Variants in CTNND2 observed in about 807,000 individuals in gnomAD.
CTNND2 encodes catenin delta 2, also known as catenin delta-2.
A neutral mutation model predicts 144.4 loss-of-function variants in CTNND2; 22 were observed. The observed-to-expected ratio is 0.15, with a 90% confidence interval of 0.11 to 0.22. The LOEUF (loss-of-function observed/expected upper bound fraction) is 0.22, where lower values mean the gene tolerates loss of function less well. Ranked by LOEUF, CTNND2 falls within the 10% of genes least tolerant of loss-of-function variation. The pLI is 1.00. For synonymous variants in CTNND2, 751 were observed against 695.6 expected, an observed-to-expected ratio of 1.08 and a Z score of -1.25; for missense variants, 1,353 against 1,618.8, an observed-to-expected ratio of 0.84 and a Z score of 2.82.
At chr5:11,609,423 T>A (rs1039164639) in intron 2 of CTNND2, among the ~76,000 whole-genome samples, 6 of 152,196 alleles carry the variant, frequency 3.9e-5, no homozygotes, top group Non-Finnish European at 8.8e-5. Context: ...TTTAAACGTA[T>A]GAAATTTCTT....
At chr5:11,396,933 A>C in intron 6 of CTNND2, 98 bp downstream of exon 6, 1 of 1,241,954 alleles carries the variant, frequency 8.1e-7, no homozygotes, top group Non-Finnish European at 1.1e-6. Context: ...CCTACAAAAA[A>C]GGCAGGCTGG....
chr5:11,559,144 T>C (rs936952116), intron 3 of CTNND2, among the ~76,000 whole-genome samples: 13 of 152,326 alleles, frequency 8.5e-5, no homozygotes, highest in African/African-American at 2.6e-4. Flanking sequence ...TATATTTGTA[T>C]GTGTATATAT....
At chr5:11,672,098 A>T (rs1402356248) in intron 2 of CTNND2, among the ~76,000 whole-genome samples, 2 of 152,166 alleles carry the variant, frequency 1.3e-5, no homozygotes, top group Non-Finnish European at 2.9e-5. Context: ...TTGCCTGGGT[A>T]TCACCGGCAG....
At chr5:11,157,631 T>C (rs974217430) in intron 12 of CTNND2, among the ~76,000 whole-genome samples, 42 of 152,370 alleles carry the variant, frequency 2.8e-4, no homozygotes, top group African/African-American at 9.9e-4. Flanking sequence ...GTCATTTCTT[T>C]AATGTGAATA....
At chr5:11,080,989 A>T (rs1749487097) in intron 16 of CTNND2, among the ~76,000 whole-genome samples, 1 of 151,678 alleles carries the variant, frequency 6.6e-6, no homozygotes, top group Non-Finnish European at 1.5e-5. Flanking sequence ...AGGCAGGAGA[A>T]CTGTTTGAAC....
chr5:11,070,984 G>T (rs569039674), intron 16 of CTNND2, among the ~76,000 whole-genome samples: 2 of 151,844 alleles, frequency 1.3e-5, no homozygotes, highest in African/African-American at 4.8e-5. Flanking sequence ...GGAGGAGGAA[G>T]GGAGGAGAGG....
intron 9 of CTNND2, among the ~76,000 whole-genome samples, chr5:11,325,763 A>G (rs1752462397): frequency 6.6e-6 from 1 of 152,130 alleles, no homozygotes; most frequent in East Asian, 1.9e-4. Flanking sequence ...AGTACTTTGC[A>G]AAGACTCACT....
chr5:11,069,027 C>A (rs967919245), intron 16 of CTNND2, among the ~76,000 whole-genome samples: 2 of 152,242 alleles, frequency 1.3e-5, no homozygotes, highest in Admixed American at 6.5e-5. Context: ...CGTGTTCCCA[C>A]AGAGCTCATA....
chr5:11,295,933 C>T (rs962073391), intron 9 of CTNND2, among the ~76,000 whole-genome samples: 1 of 152,140 alleles, frequency 6.6e-6, no homozygotes, highest in African/African-American at 2.4e-5. Flanking sequence ...GCAAGGACTT[C>T]ATGTCTGAAA....
chr5:11,645,186 G>C (rs1205518050), intron 2 of CTNND2, among the ~76,000 whole-genome samples: 1 of 151,916 alleles, frequency 6.6e-6, no homozygotes, highest in African/African-American at 2.4e-5. Flanking sequence ...AGTTGGTCTT[G>C]AACTCCCGGC....
At chr5:11,437,404 G>T (rs552226594) in intron 3 of CTNND2, among the ~76,000 whole-genome samples, 28 of 152,298 alleles carry the variant, frequency 1.8e-4, no homozygotes, top group African/African-American at 6.3e-4. Flanking sequence ...CAGTGTTCCT[G>T]CCTTCCAGAT....
At chr5:11,429,310 C>T (rs964757968) in intron 3 of CTNND2, among the ~76,000 whole-genome samples, 1 of 152,190 alleles carries the variant, frequency 6.6e-6, no homozygotes, top group Admixed American at 6.5e-5. Context: ...ATTATTTTCA[C>T]TTATAAATGT....
At chr5:11,045,206 G>A (rs748724381) in intron 16 of CTNND2, among the ~76,000 whole-genome samples, 17 of 152,256 alleles carry the variant, frequency 1.1e-4, no homozygotes, top group East Asian at 3.9e-4. Context: ...TGGGTAATTC[G>A]TAAAGAAAAT....
intron 3 of CTNND2, among the ~76,000 whole-genome samples, chr5:11,470,954 G>GTA (rs71595821): frequency 0.026 from 1,623 of 63,204 alleles, 94 homozygotes; most frequent in East Asian, 0.11. Context: ...TTGATACAAA[G>GTA]TATATATATA....
At chr5:11,252,846 A>T (rs1262972229) in intron 9 of CTNND2, among the ~76,000 whole-genome samples, 1 of 152,196 alleles carries the variant, frequency 6.6e-6, no homozygotes, top group Non-Finnish European at 1.5e-5. Context: ...CATGAGGATA[A>T]AGTAAAATTC....
intron 11 of CTNND2, among the ~76,000 whole-genome samples, chr5:11,186,766 T>C (rs1479274690): frequency 6.6e-6 from 1 of 152,226 alleles, no homozygotes; most frequent in Non-Finnish European, 1.5e-5. Flanking sequence ...TGTATTGTTT[T>C]ATCAAGTGCC....
intron 2 of CTNND2, among the ~76,000 whole-genome samples, chr5:11,706,993 G>A (rs1785739860): frequency 6.6e-6 from 1 of 151,808 alleles, no homozygotes; most frequent in South Asian, 2.1e-4. Flanking sequence ...GGCTGAGGCA[G>A]GAGAATGGTG....
chr5:11,484,736 T>G (rs1047650454), intron 3 of CTNND2, among the ~76,000 whole-genome samples: 5 of 152,218 alleles, frequency 3.3e-5, no homozygotes, highest in African/African-American at 1.2e-4. Flanking sequence ...AAGTATGAAC[T>G]CATTAAACCA....
rs541002618 is a variant in CTNND2 at position 11,028,875 on chromosome 5, A to AT, written c.2789-5897dup. On this transcript the variant is annotated intron_variant, in intron 16 of 21. Coordinates refer to ENST00000304623, the MANE Select transcript of CTNND2 (RefSeq NM_001332.4). The stretch of plus-strand genomic sequence containing the variant: ...AGGTATGTGACACCCCACCCAGCTA[A>AT]TTTTTTGTATGTTTAGTAGATACAG... Among the ~76,000 whole-genome samples, 4 of 152,156 alleles carry AT rather than the reference A, an allele frequency of 2.6e-5. No homozygotes were observed. The South Asian group carries it at 8.3e-4, about 32-fold the overall frequency.
Sources: gnomAD v4.1 joint callset for allele counts (sites outside exome capture counted in the v4.1 genomes callset) on GRCh38, gnomAD v4.1.1 for gene constraint, MANE v1.5 for transcripts, NCBI Gene and HGNC (gene_info 2026-07-23, HGNC 2026-07-21) for gene names.